Variants in MRTFA observed in about 807,000 individuals in gnomAD.
MRTFA encodes myocardin-related transcription factor A.
Under a neutral mutation model 83.5 loss-of-function variants are expected in MRTFA, and 20 were observed. The observed-to-expected ratio is 0.24, with a 90% CI of 0.17 to 0.35. The LOEUF is 0.35. Among genes scored for constraint, MRTFA ranks in the 10% least tolerant of loss-of-function variants. MRTFA has a pLI of 1.00. For synonymous variants in MRTFA, 659 were observed against 541.2 expected (o/e 1.22, Z -3.02); for missense variants, 1,200 against 1,224.7 (o/e 0.98, Z 0.30).
At chr22:40,616,726 T>C (rs191203221) in intron 1 of MRTFA, among the ~76,000 whole-genome samples, 1 of 152,140 alleles carries the variant, frequency 6.6e-6, no homozygotes, top group East Asian at 1.9e-4. Flanking sequence ...GAAATGAGGA[T>C]TAAGAGTTCA....
intron 2 of MRTFA, among the ~76,000 whole-genome samples, chr22:40,592,553 A>G (rs1344702015): frequency 6.6e-6 from 1 of 151,262 alleles, no homozygotes; most frequent in Non-Finnish European, 1.5e-5. Flanking sequence ...CAGTGATGCA[A>G]TCACACCTCA....
At chr22:40,488,737 G>A (rs950863995) in intron 3 of MRTFA, among the ~76,000 whole-genome samples, 2 of 152,044 alleles carry the variant, frequency 1.3e-5, no homozygotes, top group African/African-American at 4.8e-5. Flanking sequence ...GGAAGCTGAG[G>A]CAGGAGAATC....
At chr22:40,461,543 G>A (rs1053499065) in intron 4 of MRTFA, among the ~76,000 whole-genome samples, 2 of 151,252 alleles carry the variant, frequency 1.3e-5, no homozygotes, top group African/African-American at 4.9e-5. Flanking sequence ...CCAGCACTTT[G>A]GGAGGCTGAG....
At chr22:40,431,763 A>G (rs2053073532) in intron 5 of MRTFA, among the ~76,000 whole-genome samples, 1 of 151,946 alleles carries the variant, frequency 6.6e-6, no homozygotes. Flanking sequence ...TTCTACTACC[A>G]TAAAAGTAAT....
chr22:40,521,730 G>C (rs777032376), intron 3 of MRTFA: 1 of 151,932 alleles, frequency 6.6e-6, no homozygotes, highest in Non-Finnish European at 1.5e-5. Flanking sequence ...ACTCCTGATC[G>C]CAAGCGATCC....
intron 3 of MRTFA, among the ~76,000 whole-genome samples, chr22:40,529,100 CAAAAAGGG>C (rs2147272577): frequency 6.6e-6 from 1 of 152,178 alleles, no homozygotes; most frequent in East Asian, 1.9e-4. Flanking sequence ...AACATACTAT[CAAAAAGGG>C]AAAAACTTAT....
intron 3 of MRTFA, among the ~76,000 whole-genome samples, chr22:40,500,308 T>C (rs2054438682): frequency 6.7e-6 from 1 of 148,832 alleles, no homozygotes; most frequent in East Asian, 2.0e-4. Context: ...CATACTTTCA[T>C]ATTGCTTTCT....
At chr22:40,475,535 T>C (rs1172799516) in intron 3 of MRTFA, among the ~76,000 whole-genome samples, 1 of 151,536 alleles carries the variant, frequency 6.6e-6, no homozygotes. Context: ...AGACTCCGTC[T>C]GAAAAAAAAA....
chr22:40,466,124 C>T (rs773212229), intron 3 of MRTFA, among the ~76,000 whole-genome samples: 21 of 152,042 alleles, frequency 1.4e-4, no homozygotes, highest in Non-Finnish European at 1.6e-4. Context: ...ACAGATGGTT[C>T]GACCAGAGTG....
In MRTFA at chr22:40,589,248, T is replaced by C. The variant is rs115874439; in HGVS notation, c.-22+5426A>G. 3.5e-3 allele frequency among the ~76,000 whole-genome samples: 539 copies of C among 152,278 alleles called. 5 individuals carry two copies. The highest frequency in any genetic ancestry group is 0.012 in the African/African-American group (517 of 41,540). On this transcript the variant is annotated intron_variant, in intron 2 of 14. Coordinates refer to ENST00000355630, the MANE Select transcript of MRTFA (RefSeq NM_020831.6). ...AACATCTATGAGCTACATTTATATG[T>C]TTATGTATACATGTACAGCTTATAA...
At chr22:40,472,503 A>G (rs1217512176) in intron 3 of MRTFA, among the ~76,000 whole-genome samples, 1 of 152,206 alleles carries the variant, frequency 6.6e-6, no homozygotes, top group African/African-American at 2.4e-5. Context: ...TTTTGACAAT[A>G]AACATGTTAT....
At chr22:40,472,430 T>C (rs1031094076) in intron 3 of MRTFA, among the ~76,000 whole-genome samples, 2 of 152,260 alleles carry the variant, frequency 1.3e-5, no homozygotes, top group African/African-American at 2.4e-5. Flanking sequence ...CCTCTGATAC[T>C]GTTTTAAGGC....
intron 3 of MRTFA, among the ~76,000 whole-genome samples, chr22:40,551,404 T>G (rs2055442366): frequency 6.6e-6 from 1 of 152,218 alleles, no homozygotes; most frequent in South Asian, 2.1e-4. Context: ...AGTCTCATTC[T>G]GTCGTCCAGG....
intron 1 of MRTFA, among the ~76,000 whole-genome samples, chr22:40,612,955 C>T (rs2056403833): frequency 6.6e-6 from 1 of 152,162 alleles, no homozygotes; most frequent in Non-Finnish European, 1.5e-5. Context: ...CCAAAAACAA[C>T]AATAACAAGG....
intron 3 of MRTFA, among the ~76,000 whole-genome samples, chr22:40,532,573 A>G (rs2055101392): frequency 6.6e-6 from 1 of 152,212 alleles, no homozygotes; most frequent in Non-Finnish European, 1.5e-5. Context: ...GTAAAACCAG[A>G]AAGAACAAAA....
At chr22:40,424,970 A>G (rs754688468) in intron 7 of MRTFA, among the ~76,000 whole-genome samples, 18 of 152,166 alleles carry the variant, frequency 1.2e-4, no homozygotes, top group Non-Finnish European at 2.2e-4. Context: ...TATCCCAGAA[A>G]GGGGATGTTT....
At chr22:40,532,610 C>T (rs1359430049) in intron 3 of MRTFA, among the ~76,000 whole-genome samples, 2 of 152,178 alleles carry the variant, frequency 1.3e-5, no homozygotes, top group African/African-American at 4.8e-5. Flanking sequence ...CTTCTTTGCC[C>T]CTTCCCTGAT....
intron 2 of MRTFA, among the ~76,000 whole-genome samples, chr22:40,584,261 G>T (rs1486157265): frequency 6.6e-6 from 1 of 152,204 alleles, no homozygotes; most frequent in African/African-American, 2.4e-5. Context: ...CAGAAGGGTT[G>T]TAAGCAATTT....
intron 3 of MRTFA, among the ~76,000 whole-genome samples, chr22:40,529,882 T>C (rs535128188): frequency 3.3e-5 from 5 of 152,172 alleles, no homozygotes; most frequent in Non-Finnish European, 7.3e-5. Context: ...TATTCCCCTT[T>C]ATTGAGGCAG....
Sources: gnomAD v4.1 joint callset for allele counts (sites outside exome capture counted in the v4.1 genomes callset) on GRCh38, gnomAD v4.1.1 for gene constraint, MANE v1.5 for transcripts, NCBI Gene and HGNC (gene_info 2026-07-23, HGNC 2026-07-21) for gene names.